Variants in DLC1 observed in about 807,000 individuals in gnomAD.
DLC1 encodes the protein DLC1 Rho GTPase activating protein.
A neutral mutation model predicts 140.3 loss-of-function variants in DLC1; 54 were observed. The observed-to-expected ratio is 0.38, with a 90% CI of 0.31 to 0.48. The LOEUF is 0.48. DLC1 is among the 20% of genes least tolerant of loss of function. The probability of loss-of-function intolerance (pLI) is 0.96; values close to 1 mark genes in which losing one functional copy is unlikely to be tolerated. For missense variants in DLC1, 2,536 were observed against 1,907.0 expected (o/e 1.33, Z -6.14); for synonymous variants, 986 against 728.1 (o/e 1.35, Z -5.70).
chr8:13,509,406 C>T (rs1802256747), intron 1 of DLC1, among the ~76,000 whole-genome samples: 1 of 152,158 alleles, frequency 6.6e-6, no homozygotes, highest in African/African-American at 2.4e-5. Context: ...TACCTGGGGT[C>T]AATGTCTCTG....
At chr8:13,096,595 A>T (rs937310808) in intron 10 of DLC1, among the ~76,000 whole-genome samples, 1 of 152,090 alleles carries the variant, frequency 6.6e-6, no homozygotes, top group Non-Finnish European at 1.5e-5. Context: ...CGAGAATCTG[A>T]AGCATGTGAG....
At chr8:13,421,016 G>T (rs1021237468) in intron 2 of DLC1, among the ~76,000 whole-genome samples, 1 of 151,926 alleles carries the variant, frequency 6.6e-6, no homozygotes, top group East Asian at 1.9e-4. Flanking sequence ...GGGTCTCTCC[G>T]GTATGGACTG....
intron 2 of DLC1, among the ~76,000 whole-genome samples, chr8:13,434,860 T>G (rs1489786719): frequency 2.0e-5 from 3 of 152,078 alleles, no homozygotes; most frequent in Non-Finnish European, 2.9e-5. Flanking sequence ...TTGTATTTTC[T>G]GTAGAGATGG....
intron 2 of DLC1, among the ~76,000 whole-genome samples, chr8:13,435,253 C>G (rs930414136): frequency 6.6e-6 from 1 of 152,190 alleles, no homozygotes; most frequent in Non-Finnish European, 1.5e-5. Flanking sequence ...AGAAGTGGGG[C>G]TTAAAGATGT....
intron 1 of DLC1, chr8:13,567,023 A>T (rs1434957582): frequency 1.2e-5 from 19 of 1,551,136 alleles, no homozygotes; most frequent in Non-Finnish European, 1.6e-5. Flanking sequence ...GCCCAAACGG[A>T]CAAAAGTGCT....
At chr8:13,391,681 A>C (rs560470581) in intron 4 of DLC1, among the ~76,000 whole-genome samples, 1 of 152,206 alleles carries the variant, frequency 6.6e-6, no homozygotes, top group Admixed American at 6.5e-5. Flanking sequence ...GGGTAACTGA[A>C]GAAAGAGTAA....
chr8:13,110,122 C>T (rs1819951543), intron 7 of DLC1, among the ~76,000 whole-genome samples: 1 of 152,138 alleles, frequency 6.6e-6, no homozygotes, highest in Non-Finnish European at 1.5e-5. Flanking sequence ...AGTGTCCCAT[C>T]ATCGACTGCT....
At chr8:13,273,642 G>T (rs1284873253) in intron 5 of DLC1, among the ~76,000 whole-genome samples, 5 of 141,190 alleles carry the variant, frequency 3.5e-5, no homozygotes, top group African/African-American at 1.3e-4. Flanking sequence ...AGATGTAAAT[G>T]ATGCTTTTTG....
intron 2 of DLC1, among the ~76,000 whole-genome samples, chr8:13,426,548 C>G (rs575162796): frequency 2.0e-5 from 3 of 152,174 alleles, no homozygotes; most frequent in Non-Finnish European, 4.4e-5. Flanking sequence ...CCTCCTTTCT[C>G]ACCCTGTGCC....
chr8:13,086,521 A>G, intron 16 of DLC1, 58 bp from the exon 17 acceptor site: 1 of 1,587,246 alleles, frequency 6.3e-7, no homozygotes, highest in Admixed American at 1.7e-5. Context: ...CAAGTTTAAA[A>G]TCGTGCTTCA....
intron 5 of DLC1, among the ~76,000 whole-genome samples, chr8:13,193,102 C>G (rs2117034006): frequency 6.6e-6 from 1 of 152,172 alleles, no homozygotes; most frequent in East Asian, 1.9e-4. Context: ...GACTTTTCTT[C>G]TTTAAGTCTT....
chr8:13,448,625 C>T (rs1030412523), intron 2 of DLC1, among the ~76,000 whole-genome samples: 1 of 152,172 alleles, frequency 6.6e-6, no homozygotes, highest in Non-Finnish European at 1.5e-5. Flanking sequence ...TCCCAAAGTG[C>T]TGGGATTACA....
At chr8:13,432,942 CTTTTTTTTTTT>C (rs35776848) in intron 2 of DLC1, among the ~76,000 whole-genome samples, 1 of 93,016 alleles carries the variant, frequency 1.1e-5, no homozygotes, top group African/African-American at 4.0e-5. Context: ...TCCTCTCTTC[CTTTTTTTTTTT>C]TTTTTTTTTT....
intron 2 of DLC1, among the ~76,000 whole-genome samples, chr8:13,458,662 G>A (rs1465232455): frequency 1.3e-5 from 2 of 152,134 alleles, no homozygotes; most frequent in African/African-American, 4.8e-5. Flanking sequence ...CACTTCGTAT[G>A]TCAGTAGGTG....
intron 5 of DLC1, among the ~76,000 whole-genome samples, chr8:13,129,116 G>T (rs41326745): frequency 6.6e-6 from 1 of 152,136 alleles, no homozygotes; most frequent in African/African-American, 2.4e-5. Context: ...ACATTAACTG[G>T]ATCTCTAACT....
In DLC1 at chr8:13,528,739, A is replaced by G. The variant is rs538922879; in HGVS notation, c.-125-28543T>C. ...AAATAATATTTTGGGTCTTGAGTAGAAGGTGTGAACTATCAAAAACACCAC... is the reference window on the plus strand; with the variant it reads ...AAATAATATTTTGGGTCTTGAGTAGGAGGTGTGAACTATCAAAAACACCAC... On this transcript the variant is annotated intron_variant, in intron 1 of 1. Coordinates refer to the DLC1 transcript ENST00000631382. Among the ~76,000 whole-genome samples, 4 of 152,300 alleles carry G rather than the reference A, an allele frequency of 2.6e-5. No individual in the cohort carries two copies. In the East Asian group the frequency reaches 7.7e-4, roughly 29 times the overall value.
In DLC1 at chr8:13,230,750, C is replaced by T. The variant is rs1337947283; in HGVS notation, c.1348+74519G>A. On this transcript the variant is annotated intron_variant, in intron 5 of 17. Coordinates refer to ENST00000276297, the MANE Select transcript of DLC1 (RefSeq NM_182643.3). Reference sequence around the variant, plus strand: ...TAGCTGGGATTACAAGAGCCCACCACCATGCCCGCCTAATTTTTGTATTTT... The same window carrying T: ...TAGCTGGGATTACAAGAGCCCACCATCATGCCCGCCTAATTTTTGTATTTT... 2.0e-5 allele frequency among the ~76,000 whole-genome samples: 3 copies of T among 151,888 alleles called. No individual in the cohort carries two copies. In the East Asian group the frequency reaches 5.8e-4, roughly 29 times the overall value.
At chr8:13,570,213 C>A (rs1804597388) in intron 1 of DLC1, among the ~76,000 whole-genome samples, 1 of 152,104 alleles carries the variant, frequency 6.6e-6, no homozygotes, top group Admixed American at 6.5e-5. Context: ...CCACTATATT[C>A]AAGCGTCTCT....
chr8:13,249,839 G>C (rs549590020), intron 5 of DLC1, among the ~76,000 whole-genome samples: 1 of 152,118 alleles, frequency 6.6e-6, no homozygotes, highest in Non-Finnish European at 1.5e-5. Context: ...ATTCTCAGGA[G>C]AATGTCTCCA....
Sources: allele counts gnomAD v4.1 joint callset (sites outside exome capture counted in the v4.1 genomes callset), GRCh38; gene constraint gnomAD v4.1.1; transcripts MANE v1.5; gene names NCBI Gene and HGNC (gene_info 2026-07-23, HGNC 2026-07-21).